Variants in WNK2 observed in about 807,000 individuals in gnomAD.
The protein encoded by WNK2 is WNK lysine deficient protein kinase 2.
A neutral mutation model predicts 192.1 loss-of-function variants in WNK2; 67 were observed. The observed-to-expected ratio is 0.35, with a 90% CI of 0.29 to 0.43. The LOEUF (loss-of-function observed/expected upper bound fraction) is 0.43. Among genes scored for constraint, WNK2 ranks in the 20% least tolerant of loss-of-function variants. WNK2 has a pLI of 1.00. For synonymous variants in WNK2, 1,439 were observed against 1,393.9 expected (o/e 1.03, Z -0.72); for missense variants, 2,698 against 3,089.7 (o/e 0.87, Z 3.01).
Position 93,259,431 on chromosome 9 carries a change from G to T in WNK2, c.2883G>T (p.Thr961=), listed in dbSNP as rs762003068. ...PPQPVLPPQP[T]LPPQPVLPPQ... is the part of the protein sequence containing the mutation. The stretch of plus-strand genomic sequence containing the variant: ...AACCCGTGCTGCCCCCGCAACCCAC[G>T]CTGCCCCCTCAACCTGTGTTGCCCC... The change falls in exon 12 of 30, where the codon ACG becomes ACT. Residue 961 remains threonine, a synonymous_variant. Transcript: ENST00000427277. This position sits in a 1 kb window ranked among gnomAD's most constrained non-coding sequence, Gnocchi z 4.8. The T allele has an allele frequency of 5.3e-6, 7 of 1,315,702 alleles. No individual in the cohort carries two copies. Among genetic ancestry groups the T allele is most frequent in the Non-Finnish European group, 7.0e-6 (7 of 999,506 alleles). The allele number at this position is 1,315,702 out of a possible 1,614,324, so 81.5% of individuals were successfully genotyped here.
intron 9 of WNK2, among the ~76,000 whole-genome samples, chr9:93,255,539 A>G (rs1377732630): frequency 6.6e-6 from 1 of 152,188 alleles, no homozygotes; most frequent in African/African-American, 2.4e-5. Context: ...CGCGAAAGAC[A>G]AGTGAGGAGG....
At chr9:93,233,271 A>T (rs1366446095) in intron 4 of WNK2, among the ~76,000 whole-genome samples, 1 of 152,112 alleles carries the variant, frequency 6.6e-6, no homozygotes. Context: ...ACCCAAAAGA[A>T]TAAAAGTTCC....
chr9:93,319,158 C>T (rs373255290), intron 29 of WNK2: 2 of 1,614,098 alleles, frequency 1.2e-6, no homozygotes, highest in Non-Finnish European at 1.7e-6. Flanking sequence ...GCACGGAATC[C>T]CCAATAGATT....
At chr9:93,268,187 C>A in intron 18 of WNK2, 122 bp downstream of exon 18, 1 of 1,390,806 alleles carries the variant, frequency 7.2e-7, no homozygotes. Flanking sequence ...TGACCAGGGG[C>A]CCCAGTCTGG....
intron 2 of WNK2, among the ~76,000 whole-genome samples, chr9:93,197,467 C>T (rs1444424048): frequency 6.6e-6 from 1 of 152,212 alleles, no homozygotes; most frequent in African/African-American, 2.4e-5. Flanking sequence ...AATCTGTCAG[C>T]ATTGTCTTCT....
chr9:93,241,024 C>T (rs1046196085), intron 7 of WNK2, among the ~76,000 whole-genome samples: 2 of 152,094 alleles, frequency 1.3e-5, no homozygotes, highest in Non-Finnish European at 2.9e-5. Context: ...TTGGTCACAC[C>T]CCTGCAGGGA....
In WNK2 at chr9:93,267,934, G is replaced by A. The variant is rs376211111; in HGVS notation, c.3867+18G>A. 1.3e-5 allele frequency: 21 copies of A among 1,611,062 alleles called. No individual in the cohort carries two copies. Among genetic ancestry groups the A allele is most frequent in the South Asian group, 3.3e-5 (3 of 90,428 alleles). On this transcript the variant is annotated intron_variant, in intron 17 of 29. Transcript: ENST00000427277. ...CCGGGGAGGTGAGGTTGTGAAATCC[G>A]GGGTGGGAGGTGGTGAGAGTGCAGT...
Position 93,280,637 on chromosome 9 carries a change from C to T in WNK2, c.4034-8151C>T, listed in dbSNP as rs954891600. 3.3e-5 allele frequency among the ~76,000 whole-genome samples: 5 copies of T among 152,242 alleles called. No homozygotes were observed. The East Asian group carries it at 7.7e-4, about 24-fold the overall frequency. ...TTCACATTTCTTGAGTTGAAATGTG[C>T]AGCTCATGAATGCTTTTGTGTTAAT... On this transcript the variant is annotated intron_variant, in intron 19 of 29. Transcript: ENST00000427277.
At chr9:93,290,182 A>G in intron 21 of WNK2, 135 bp downstream of exon 21, 1 of 774,766 alleles carries the variant, frequency 1.3e-6, no homozygotes, top group South Asian at 1.8e-5. Flanking sequence ...TTTATCTGTA[A>G]GGGATCCTTT....
intron 19 of WNK2, among the ~76,000 whole-genome samples, chr9:93,274,019 A>G (rs765690542): frequency 3.3e-5 from 5 of 152,214 alleles, no homozygotes; most frequent in Non-Finnish European, 5.9e-5. Flanking sequence ...CAATGACTCA[A>G]CCTTCTACCT....
chr9:93,315,750 G>A (rs943831533), intron 28 of WNK2: 4 of 150,524 alleles, frequency 2.7e-5, no homozygotes, highest in African/African-American at 9.8e-5. Context: ...TTTTTTCATG[G>A]TATGTCTTTT....
intron 2 of WNK2, among the ~76,000 whole-genome samples, chr9:93,213,658 G>A (rs1034874083): frequency 1.3e-5 from 2 of 152,082 alleles, no homozygotes; most frequent in Admixed American, 6.5e-5. Flanking sequence ...GCATGGTGGC[G>A]CATGCCTGTA....
In WNK2 at chr9:93,303,268, G is replaced by A. The variant is rs116606165; in HGVS notation, c.6214+3119G>A. 9.9e-3 allele frequency among the ~76,000 whole-genome samples: 1,507 copies of A among 152,276 alleles called. 25 individuals carry two copies. The highest frequency in any genetic ancestry group is 0.034 in the African/African-American group (1,422 of 41,536). ...CCTTGGAGCCAGGGAGGAGGGTCAG[G>A]TGCAGATGCTGAGATGGCACCTCTG... On this transcript the variant is annotated intron_variant, in intron 26 of 29. Transcript: ENST00000427277.
rs1269312319 is a variant in WNK2 at position 93,292,935 on chromosome 9, G to C, written c.5470G>C (p.Ala1824Pro). ...GGCGAGACCCCCGGTGCAGAAGCAGGCGTCCCTGCCCGTGAGTGGCAGCGT... is the reference window on the plus strand; with the variant it reads ...GGCGAGACCCCCGGTGCAGAAGCAGCCGTCCCTGCCCGTGAGTGGCAGCGT... ...PRARPPVQKQ[A>P]SLPVSGSVAG... Residue 1824 changes from alanine to proline, a missense_variant, in exon 23 of 30, where the codon GCG becomes CCG. Ala to Pro is a conservative substitution (Grantham distance 27). Around this residue, in one of 7 missense-constraint regions of WNK2, gnomAD observed 1,098 missense variants for 1,101.0 expected, o/e 1.00. Transcript: ENST00000427277. 6.5e-7 allele frequency: 1 copy of C among 1,529,962 alleles called. No individual in the cohort carries two copies. The highest frequency in any genetic ancestry group is 8.8e-7 in the Non-Finnish European group (1 of 1,139,308). The allele number at this position is 1,529,962 out of a possible 1,614,324, so 94.8% of individuals were successfully genotyped here.
intron 28 of WNK2, among the ~76,000 whole-genome samples, chr9:93,313,370 T>G (rs1483276852): frequency 6.6e-6 from 1 of 152,040 alleles, no homozygotes; most frequent in African/African-American, 2.4e-5. Flanking sequence ...CAGTTGAATT[T>G]TTTTTTAACC....
intron 2 of WNK2, among the ~76,000 whole-genome samples, chr9:93,220,283 G>T (rs7865467): frequency 6.6e-6 from 1 of 152,058 alleles, no homozygotes; most frequent in African/African-American, 2.4e-5. Context: ...TAGTGTCTGA[G>T]CCTAGGTTCC....
chr9:93,229,911 G>T lies in WNK2; in HGVS notation c.854+43G>T. 1 of 1,596,258 alleles carries T rather than the reference G, an allele frequency of 6.3e-7. No individual in the cohort carries two copies. The highest frequency in any genetic ancestry group is 8.6e-7 in the Non-Finnish European group (1 of 1,169,540). ...AGGGCTGGGGCGGGTCCTGGCATGG[G>T]TGCAGGGCTACCATAGCTGAGGGTG... On this transcript the variant is annotated intron_variant, in intron 3 of 29. Transcript: ENST00000427277. The surrounding 1 kb of genome is among the most constrained non-coding windows in gnomAD (Gnocchi z 4.9).
Position 93,239,293 on chromosome 9 carries a change from C to G in WNK2, c.1323-464C>G, listed in dbSNP as rs1011856173. ...TCTGGCCAGCATCCTGAAGGAAGCCCCCTTGAAAAGGTCACTGCTTCATGG... is the reference window on the plus strand; with the variant it reads ...TCTGGCCAGCATCCTGAAGGAAGCCGCCTTGAAAAGGTCACTGCTTCATGG... On this transcript the variant is annotated intron_variant, in intron 6 of 29. Coordinates refer to ENST00000427277, the MANE Select transcript of WNK2 (RefSeq NM_006648.4). This position sits in a 1 kb window ranked among gnomAD's most constrained non-coding sequence, Gnocchi z 4.2. Among the ~76,000 whole-genome samples the G allele has an allele frequency of 2.0e-5, 3 of 152,170 alleles. No homozygotes were observed. Among genetic ancestry groups the G allele is most frequent in the Admixed American group, 2.0e-4 (3 of 15,278 alleles).
chr9:93,184,202 C>T lies in WNK2; in HGVS notation c.-186C>T, dbSNP rs192462813. On this transcript the variant is annotated 5_prime_UTR_variant, in exon 1 of 30. Transcript: ENST00000427277. ...GCCGCGCGAAGCCGGCAGGAGCACG[C>T]GGGAGCGCGGCCCCGCAGTGGCCCG... Among the ~76,000 whole-genome samples the T allele has an allele frequency of 2.0e-5, 3 of 150,338 alleles. No individual in the cohort carries two copies. Among genetic ancestry groups the T allele is most frequent in the Admixed American group, 6.6e-5 (1 of 15,138 alleles).
Sources: gnomAD v4.1 joint callset for allele counts (sites outside exome capture counted in the v4.1 genomes callset) on GRCh38, gnomAD v4.1.1 for gene constraint, gnomAD v4.1.1 regional missense constraint, Gnocchi (gnomAD v3.1) non-coding constraint, MANE v1.5 for transcripts, NCBI Gene and HGNC (gene_info 2026-07-23, HGNC 2026-07-21) for gene names.